The following ZNF474 variants were observed in gnomAD, a reference collection of about 807,000 sequenced individuals.
ZNF474 encodes the protein 4933409D10Rik.
For synonymous variants in ZNF474, 192 were observed against 162.2 expected (o/e 1.18, Z -1.39); for missense variants, 511 against 433.8 (o/e 1.18, Z -1.58).
chr5:122,153,233 T>A lies in ZNF474; in HGVS notation c.*148T>A. Reference sequence around the variant, plus strand: ...TATACCTCTCTTGGCTGAATAGATATAAGAACATCCTTGCCTGATGGGTTC... The same window carrying A: ...TATACCTCTCTTGGCTGAATAGATAAAAGAACATCCTTGCCTGATGGGTTC... On this transcript the variant is annotated 3_prime_UTR_variant, in exon 2 of 2. Coordinates refer to ENST00000296600, the MANE Select transcript of ZNF474 (RefSeq NM_207317.3). The A allele has an allele frequency of 1.0e-6, 1 of 959,796 alleles. No individual in the cohort carries two copies. The highest frequency in any genetic ancestry group is 1.7e-5 in the African/African-American group (1 of 60,520). The allele number at this position is 959,796 out of a possible 1,614,324, so 59.5% of individuals were successfully genotyped here.
chr5:122,148,129 C>T (rs1756039045), intron 1 of ZNF474: 2 of 152,244 alleles, frequency 1.3e-5, no homozygotes, highest in Admixed American at 6.5e-5. Flanking sequence ...TATTTTCCAG[C>T]ACTTTTGCTT....
In ZNF474 at chr5:122,152,643, G is replaced by T; in HGVS notation, c.653G>T (p.Arg218Leu). ...AAAGCTTGTAGTGGAACCCCAGCCC[G>T]ACCAAGGACTGTTATCTGCTACATA... ...LKKACSGTPA[R>L]PRTVICYICG... The change falls in exon 2 of 2, where the codon CGA (arginine) becomes CTA (leucine). Residue 218 changes from arginine (R) to leucine (L), a missense_variant. Physicochemically the swap from Arg to Leu is moderately radical, Grantham distance 102. Coordinates refer to ENST00000296600, the MANE Select transcript of ZNF474 (RefSeq NM_207317.3). 6.2e-7 allele frequency: 1 copy of T among 1,614,150 alleles called. No individual in the cohort carries two copies. The highest frequency in any genetic ancestry group is 8.5e-7 in the Non-Finnish European group (1 of 1,180,034).
chr5:122,129,992 TA>T (rs982136744), intron 1 of ZNF474, among the ~76,000 whole-genome samples: 1 of 152,192 alleles, frequency 6.6e-6, no homozygotes, highest in African/African-American at 2.4e-5. Flanking sequence ...TTCTAATACC[TA>T]AAAAATAATA....
At chr5:122,137,495 C>CTGAGT in intron 1 of ZNF474, among the ~76,000 whole-genome samples, 1 of 143,550 alleles carries the variant, frequency 7.0e-6, no homozygotes, top group Middle Eastern at 3.8e-3. Context: ...TAAGAAAGGC[C>CTGAGT]TGAGTTGACA....
chr5:122,141,095 TTTTTATTTTATTTTATTTTATTTTA>T (rs201853082), intron 1 of ZNF474, among the ~76,000 whole-genome samples: 24 of 53,320 alleles, frequency 4.5e-4, no homozygotes, highest in Admixed American at 1.1e-3. Context: ...ATTTTTTTAT[TTTTTATTTTATTTTATTTTATTTTA>T]TTTTATTTTA....
At chr5:122,142,214 A>T (rs1303948462) in intron 1 of ZNF474, among the ~76,000 whole-genome samples, 2 of 152,224 alleles carry the variant, frequency 1.3e-5, no homozygotes, top group Admixed American at 6.5e-5. Flanking sequence ...GAAATAATGA[A>T]ACAAAGTGAA....
At chr5:122,141,340 CCCTCTCTTG>C (rs1240550140) in intron 1 of ZNF474, among the ~76,000 whole-genome samples, 2 of 133,878 alleles carry the variant, frequency 1.5e-5, no homozygotes, top group Non-Finnish European at 3.1e-5. Flanking sequence ...GAGGGAGTCT[CCCTCTCTTG>C]CCAGGCTGGA....
Position 122,152,189 on chromosome 5 carries a change from A to T in ZNF474, c.199A>T (p.Ile67Leu). 1 of 1,614,170 alleles carries T rather than the reference A, an allele frequency of 6.2e-7. No individual in the cohort carries two copies. The highest frequency in any genetic ancestry group is 8.5e-7 in the Non-Finnish European group (1 of 1,180,044). Reference sequence around the variant, plus strand: ...TCAGAAAAAGAGACCTGGGACTGTGATACTATCAAAACTGTCAAGTAGAAG... The same window carrying T: ...TCAGAAAAAGAGACCTGGGACTGTGTTACTATCAAAACTGTCAAGTAGAAG... The part of the protein sequence containing the change: ...DTQKKRPGTV[I>L]LSKLSSRRII... The change falls in exon 2 of 2, where the codon ATA (isoleucine) becomes TTA (leucine). Residue 67 changes from isoleucine (I) to leucine (L), a missense_variant. Coordinates refer to ENST00000296600, the MANE Select transcript of ZNF474 (RefSeq NM_207317.3).
At chr5:122,150,535 A>T (rs1392403648) in intron 1 of ZNF474, among the ~76,000 whole-genome samples, 13 of 152,148 alleles carry the variant, frequency 8.5e-5, no homozygotes. Context: ...GCCGTGATGT[A>T]GAGGATCCAG....
At chr5:122,135,166 T>C (rs75543120) in intron 1 of ZNF474, among the ~76,000 whole-genome samples, 3,502 of 152,280 alleles carry the variant, frequency 0.023, 103 homozygotes, top group African/African-American at 0.066. Context: ...AACCAAATTA[T>C]ACATTTTTAA....
chr5:122,140,221 A>C (rs1755802600), intron 1 of ZNF474, among the ~76,000 whole-genome samples: 1 of 152,252 alleles, frequency 6.6e-6, no homozygotes, highest in Admixed American at 6.5e-5. Flanking sequence ...TAAAAACAGC[A>C]GTAGTGGATA....
chr5:122,153,399 T>G lies in ZNF474; in HGVS notation c.*314T>G. The G allele has an allele frequency of 7.2e-6, 2 of 278,314 alleles. No individual in the cohort carries two copies. The highest frequency in any genetic ancestry group is 7.1e-6 in the Non-Finnish European group (1 of 140,490). The allele number at this position is 278,314 out of a possible 1,614,324, so 17.2% of individuals were successfully genotyped here. ...CTGTGTCTACATTACAGAGATATAA[T>G]TCCCATTCCAACAGCCAATATTTAT... On this transcript the variant is annotated 3_prime_UTR_variant, in exon 2 of 2. Transcript: ENST00000296600.
intron 1 of ZNF474, among the ~76,000 whole-genome samples, chr5:122,130,341 GC>G (rs1755547678): frequency 1.3e-5 from 2 of 152,078 alleles, no homozygotes; most frequent in Non-Finnish European, 2.9e-5. Context: ...ATCCTTTCCA[GC>G]CAATCTTCCC....
intron 1 of ZNF474, among the ~76,000 whole-genome samples, chr5:122,135,374 A>G (rs997625837): frequency 6.6e-5 from 10 of 152,204 alleles, no homozygotes; most frequent in Admixed American, 6.6e-5. Flanking sequence ...AAAAGAAGTC[A>G]TGCAAACAGT....
chr5:122,138,853 T>C (rs1755769931), intron 1 of ZNF474, among the ~76,000 whole-genome samples: 1 of 152,186 alleles, frequency 6.6e-6, no homozygotes, highest in Admixed American at 6.6e-5. Flanking sequence ...AGTGAGGTGA[T>C]AATAAGTATA....
At chr5:122,130,365 C>T (rs952534963) in intron 1 of ZNF474, among the ~76,000 whole-genome samples, 3 of 152,110 alleles carry the variant, frequency 2.0e-5, no homozygotes, top group African/African-American at 7.2e-5. Flanking sequence ...CACAGGGGGC[C>T]ACTGTTTTGA....
rs750259405 is a variant in ZNF474 at position 122,152,328 on chromosome 5, A to T, written c.338A>T (p.Glu113Val). The T allele has an allele frequency of 3.1e-6, 5 of 1,614,162 alleles. No individual in the cohort carries two copies. In the South Asian group the frequency reaches 5.5e-5, roughly 18 times the overall value. The change falls in exon 2 of 2, where the codon GAA (glutamate) becomes GTA (valine). Residue 113 changes from glutamate to valine, a missense_variant. Glu to Val is a moderately radical substitution (Grantham distance 121). Coordinates refer to ENST00000296600, the MANE Select transcript of ZNF474 (RefSeq NM_207317.3). ...GGGTCCCAGTCAATTGCCATTCATG[A>T]ACCCCAGTGCTTGCAGAAGTGGCAT... ...EFGSQSIAIH[E>V]PQCLQKWHIE... is the part of the protein sequence containing the mutation.
intron 1 of ZNF474, among the ~76,000 whole-genome samples, chr5:122,148,394 GT>G (rs1331252309): frequency 6.6e-6 from 1 of 152,222 alleles, no homozygotes; most frequent in Non-Finnish European, 1.5e-5. Flanking sequence ...TGGACGTTTT[GT>G]GATGTTTCAT....
At chr5:122,143,147 G>A (rs946064813) in intron 1 of ZNF474, among the ~76,000 whole-genome samples, 5 of 152,178 alleles carry the variant, frequency 3.3e-5, no homozygotes, top group African/African-American at 1.2e-4. Context: ...ACTGCTGTAA[G>A]GTAAGTGAGT....
Sources: gnomAD v4.1 joint callset for allele counts (sites outside exome capture counted in the v4.1 genomes callset) on GRCh38, gnomAD v4.1.1 for gene constraint, MANE v1.5 for transcripts, NCBI Gene and HGNC (gene_info 2026-07-23, HGNC 2026-07-21) for gene names.